SORL1: variants seen among roughly 807,000 people sequenced by gnomAD.
SORL1 encodes the protein sortilin-related receptor.
In SORL1, 127 loss-of-function variants were observed where a neutral mutation model predicts 273.7. That is an observed-to-expected ratio of 0.46 (90% CI 0.40 to 0.54). The LOEUF is 0.54. SORL1 is among the 20% of genes least tolerant of loss of function. The pLI, the probability that SORL1 is intolerant of heterozygous loss-of-function variation, is 0.00. For synonymous variants in SORL1, 1,031 were observed against 1,067.4 expected (o/e 0.97, Z 0.66); for missense variants, 2,494 against 2,846.1 (o/e 0.88, Z 2.81).
At chr11:121,515,484 G>A (rs982883953) in intron 8 of SORL1, among the ~76,000 whole-genome samples, 1 of 152,164 alleles carries the variant, frequency 6.6e-6, no homozygotes, top group African/African-American at 2.4e-5. Context: ...TGACTCTGAG[G>A]CTGGACTGCA....
chr11:121,530,855 A>G (rs1416354330), intron 11 of SORL1, among the ~76,000 whole-genome samples: 1 of 152,178 alleles, frequency 6.6e-6, no homozygotes, highest in African/African-American at 2.4e-5. Flanking sequence ...TCTCTAGAAC[A>G]CACAGATAGA....
chr11:121,567,151 C>A, intron 22 of SORL1, 38 bp downstream of exon 22: 1 of 1,550,042 alleles, frequency 6.5e-7, no homozygotes, highest in Non-Finnish European at 8.8e-7. Context: ...CATCCTCCTT[C>A]CTTTGTTTCC....
chr11:121,571,768 T>C (rs1020388204), intron 23 of SORL1, among the ~76,000 whole-genome samples: 2 of 152,218 alleles, frequency 1.3e-5, no homozygotes, highest in East Asian at 3.9e-4. Flanking sequence ...TTACAAAGCC[T>C]TTCCTTAATC....
Position 121,585,499 on chromosome 11 carries a change from A to G in SORL1, c.3707-723A>G, listed in dbSNP as rs201585129. ...CTCTGCCTTAAAAAAAAAAATGTATATACACACACACACACACACACACAC... is the reference window on the plus strand; with the variant it reads ...CTCTGCCTTAAAAAAAAAAATGTATGTACACACACACACACACACACACAC... On this transcript the variant is annotated intron_variant, in intron 26 of 47. Transcript: ENST00000260197. 2.5e-5 allele frequency among the ~76,000 whole-genome samples: 3 copies of G among 120,514 alleles called. No individual in the cohort carries two copies. In the Admixed American group the frequency reaches 2.8e-4, roughly 11 times the overall value. 79.1% of individuals were successfully genotyped at this position (120,514 alleles called of 152,430 possible).
chr11:121,586,706 G>GGC (rs1863120070), intron 27 of SORL1, among the ~76,000 whole-genome samples: 78 of 10,312 alleles, frequency 7.6e-3, no homozygotes, highest in South Asian at 0.018. Flanking sequence ...GGGGGGGGGC[G>GGC]GGGGGGGGGC....
intron 3 of SORL1, 119 bp downstream of exon 3, chr11:121,478,362 G>T (rs1861314347): frequency 8.3e-7 from 1 of 1,199,718 alleles, no homozygotes; most frequent in African/African-American, 1.5e-5. Context: ...CATGACTGGT[G>T]GCTAGTGAGT....
chr11:121,589,361 G>A lies in SORL1; in HGVS notation c.4049G>A (p.Cys1350Tyr). The A allele has an allele frequency of 6.2e-7, 1 of 1,613,698 alleles. No individual in the cohort carries two copies. Among genetic ancestry groups the A allele is most frequent in the Non-Finnish European group, 8.5e-7 (1 of 1,179,580 alleles). Residue 1350 changes from cysteine (C) to tyrosine (Y), a missense_variant, in exon 29 of 48, where the codon TGC becomes TAC. Physicochemically the swap from Cys to Tyr is radical, Grantham distance 194. Coordinates refer to ENST00000260197, the MANE Select transcript of SORL1 (RefSeq NM_003105.6). ...LIWKCDGMDD[C>Y]GDYSDEANCE... ...TGGAAGTGCGACGGGATGGATGATT[G>A]CGGCGATTATTCTGATGAAGCCAAC...
chr11:121,623,963 T>C (rs1374610628), intron 45 of SORL1, among the ~76,000 whole-genome samples: 2 of 152,118 alleles, frequency 1.3e-5, no homozygotes, highest in African/African-American at 4.8e-5. Flanking sequence ...TCCATCATGG[T>C]GGAAGGCAAA....
At position 121,452,556 on chromosome 11, in the gene SORL1, G is replaced by A. The variant is rs1285913660; in HGVS notation, c.225G>A (p.Lys75=). Residue 75 remains lysine (K), a synonymous_variant, in exon 1 of 48, where the codon AAG becomes AAA. Coordinates refer to ENST00000260197, the MANE Select transcript of SORL1 (RefSeq NM_003105.6). The surrounding 1 kb of genome is among the most constrained non-coding windows in gnomAD (Gnocchi z 5.3). ...DARGASRADE[K]PLRRKRSAAL... ...GGGGGGCGAGCCGCGCGGACGAGAAGCCGCTCCGGAGGAAACGGAGCGCTG... is the reference window on the plus strand; with the variant it reads ...GGGGGGCGAGCCGCGCGGACGAGAAACCGCTCCGGAGGAAACGGAGCGCTG... 1 of 1,510,154 alleles carries A rather than the reference G, an allele frequency of 6.6e-7. No homozygotes were observed. The highest frequency in any genetic ancestry group is 1.4e-5 in the African/African-American group (1 of 69,542). 93.5% of individuals were successfully genotyped at this position (1,510,154 alleles called of 1,614,324 possible).
At position 121,631,604 on chromosome 11, in the gene SORL1, T is replaced by C. The variant is rs1863877641; in HGVS notation, c.*2041T>C. 1 of 152,320 alleles carries C rather than the reference T, an allele frequency of 6.6e-6. No individual in the cohort carries two copies. Among genetic ancestry groups the C allele is most frequent in the Admixed American group, 6.5e-5 (1 of 15,300 alleles). 9.4% of individuals were successfully genotyped at this position (152,320 alleles called of 1,614,324 possible). A position where few individuals can be genotyped will look rare whatever the true frequency, so the allele number is the denominator to read the frequency against. On this transcript the variant is annotated 3_prime_UTR_variant, in exon 48 of 48. Transcript: ENST00000260197. The stretch of plus-strand genomic sequence containing the variant: ...AAAGCTGATATAAAAGGCTCTGAGA[T>C]GTTATTTTCAGTTATTCCATAGGCA...
chr11:121,519,430 C>T (rs1171029088), intron 8 of SORL1, among the ~76,000 whole-genome samples: 45 of 145,954 alleles, frequency 3.1e-4, no homozygotes, highest in Admixed American at 9.6e-4. Flanking sequence ...TTTTTTGAGA[C>T]GGAGTCTCGC....
chr11:121,529,922 C>T (rs537356901), intron 11 of SORL1, among the ~76,000 whole-genome samples: 2 of 152,224 alleles, frequency 1.3e-5, no homozygotes, highest in South Asian at 4.1e-4. Flanking sequence ...TATCTAGATA[C>T]ATTAAGTATT....
intron 30 of SORL1, 60 bp downstream of exon 30, chr11:121,590,234 C>T: frequency 6.5e-7 from 1 of 1,542,608 alleles, no homozygotes; most frequent in Admixed American, 1.9e-5. Flanking sequence ...AATAGTTCCA[C>T]CAGCTATGCA....
At chr11:121,460,227 G>A (rs1160227511) in intron 1 of SORL1, among the ~76,000 whole-genome samples, 1 of 152,064 alleles carries the variant, frequency 6.6e-6, no homozygotes, top group Non-Finnish European at 1.5e-5. Flanking sequence ...CTAGCCTGTT[G>A]AGTAGAAACC....
At chr11:121,618,514 T>G (rs1252836437) in intron 41 of SORL1, among the ~76,000 whole-genome samples, 2 of 152,218 alleles carry the variant, frequency 1.3e-5, no homozygotes, top group Non-Finnish European at 2.9e-5. Flanking sequence ...TAATTATGTA[T>G]GTTTTTCTTC....
At chr11:121,486,755 A>G (rs946707896) in intron 3 of SORL1, among the ~76,000 whole-genome samples, 1 of 152,034 alleles carries the variant, frequency 6.6e-6, no homozygotes, top group Non-Finnish European at 1.5e-5. Flanking sequence ...CTGGGATTAC[A>G]GCCGCGAGCC....
At chr11:121,497,273 A>C (rs916560868) in intron 6 of SORL1, among the ~76,000 whole-genome samples, 5 of 152,206 alleles carry the variant, frequency 3.3e-5, no homozygotes, top group African/African-American at 1.2e-4. Flanking sequence ...CAAACACTCA[A>C]AGTGGCTCTA....
chr11:121,604,162 C>T lies in SORL1; in HGVS notation c.4520-31C>T, dbSNP rs552404655. On this transcript the variant is annotated intron_variant, in intron 32 of 47. Transcript: ENST00000260197. ...CCTTTAGTACCATACGGCCCCTCCCCGTGGACTTAAGAAGCCTCTCTGTGT... is the reference window on the plus strand; with the variant it reads ...CCTTTAGTACCATACGGCCCCTCCCTGTGGACTTAAGAAGCCTCTCTGTGT... The T allele has an allele frequency of 4.0e-5, 64 of 1,612,142 alleles. 1 individual carries two copies. In the South Asian group the frequency reaches 5.4e-4, roughly 14 times the overall value.
At chr11:121,617,344 G>T (rs935405800) in intron 41 of SORL1, among the ~76,000 whole-genome samples, 2 of 152,160 alleles carry the variant, frequency 1.3e-5, no homozygotes, top group East Asian at 1.9e-4. Flanking sequence ...AAAATATTTT[G>T]ATTTTCTTCC....
Sources: gnomAD v4.1 joint callset for allele counts (sites outside exome capture counted in the v4.1 genomes callset) on GRCh38, gnomAD v4.1.1 for gene constraint, Gnocchi (gnomAD v3.1) non-coding constraint, MANE v1.5 for transcripts, NCBI Gene and HGNC (gene_info 2026-07-23, HGNC 2026-07-21) for gene names.